Variants in ATOSA observed in about 807,000 individuals in gnomAD.
The protein encoded by ATOSA is atos homolog protein A.
chr15:52,623,567 G>T, the ATOSA span, among the ~76,000 whole-genome samples: 1 of 152,012 alleles, frequency 6.6e-6, no homozygotes, highest in Non-Finnish European at 1.5e-5. Flanking sequence ...TGGATTACAG[G>T]CTGGTATAAT....
At chr15:52,616,399 T>C in the ATOSA span, among the ~76,000 whole-genome samples, 3 of 152,216 alleles carry the variant, frequency 2.0e-5, no homozygotes, top group Admixed American at 1.3e-4. Context: ...ATTTTAACAG[T>C]GGCCATTGCC....
chr15:52,624,443 C>A, the ATOSA span, among the ~76,000 whole-genome samples: 4 of 152,232 alleles, frequency 2.6e-5, no homozygotes, highest in African/African-American at 9.6e-5. Flanking sequence ...GTGTACCAAC[C>A]AAAGGTCATG....
chr15:52,704,583 G>C, the ATOSA span, among the ~76,000 whole-genome samples: 1 of 152,124 alleles, frequency 6.6e-6, no homozygotes, highest in African/African-American at 2.4e-5. Context: ...TACAGAATGA[G>C]AGAAAATTTT....
chr15:52,608,637 G>A, the ATOSA span: 3 of 1,610,454 alleles, frequency 1.9e-6, no homozygotes, highest in South Asian at 3.3e-5. Flanking sequence ...TCTGAGAATA[G>A]TTTTGGGATT....
chr15:52,684,095 C>G, the ATOSA span, among the ~76,000 whole-genome samples: 1 of 152,204 alleles, frequency 6.6e-6, no homozygotes, highest in African/African-American at 2.4e-5. Flanking sequence ...CACAAAGATT[C>G]AAGTGATTAT....
the ATOSA span, among the ~76,000 whole-genome samples, chr15:52,627,605 C>G: frequency 6.6e-6 from 1 of 151,946 alleles, no homozygotes; most frequent in Admixed American, 6.6e-5. Flanking sequence ...GACAGGAAAA[C>G]TCAGATTATC....
chr15:52,612,515 T>C, the ATOSA span, among the ~76,000 whole-genome samples: 2 of 150,618 alleles, frequency 1.3e-5, no homozygotes, highest in Non-Finnish European at 3.0e-5. Flanking sequence ...TTTTTTTTTT[T>C]TTTTTTGAGA....
At chr15:52,676,907 T>C in the ATOSA span, among the ~76,000 whole-genome samples, 1 of 152,212 alleles carries the variant, frequency 6.6e-6, no homozygotes, top group Non-Finnish European at 1.5e-5. Flanking sequence ...AAACTTGGCA[T>C]TCTACACAAG....
At chr15:52,648,362 T>C in the ATOSA span, among the ~76,000 whole-genome samples, 1 of 152,120 alleles carries the variant, frequency 6.6e-6, no homozygotes, top group Non-Finnish European at 1.5e-5. Context: ...GTTGTATGTA[T>C]TTTTGGGGGT....
the ATOSA span, among the ~76,000 whole-genome samples, chr15:52,700,314 C>G: frequency 0.033 from 5,041 of 152,288 alleles, 107 homozygotes; most frequent in Middle Eastern, 0.058. Context: ...TTGCCTACCC[C>G]TCTCTAGGTT....
the ATOSA span, chr15:52,679,443 C>G: frequency 6.6e-6 from 1 of 152,618 alleles, no homozygotes; most frequent in African/African-American, 2.4e-5. Context: ...CACTTCCTCC[C>G]CGGCGGCCTC....
chr15:52,603,391 AG>A, the ATOSA span, among the ~76,000 whole-genome samples: 1 of 152,232 alleles, frequency 6.6e-6, no homozygotes, highest in African/African-American at 2.4e-5. Context: ...AATGTAAATT[AG>A]TACAGCTACT....
the ATOSA span, among the ~76,000 whole-genome samples, chr15:52,628,662 GTTAT>G: frequency 6.6e-6 from 1 of 152,008 alleles, no homozygotes; most frequent in African/African-American, 2.4e-5. Context: ...TATTTTTAAT[GTTAT>G]TTAAACTCCT....
At chr15:52,679,635 G>T in the ATOSA span, among the ~76,000 whole-genome samples, 1 of 152,216 alleles carries the variant, frequency 6.6e-6, no homozygotes, top group Non-Finnish European at 1.5e-5. Context: ...GCTCCCAGCC[G>T]GCAGAGGCGC....
chr15:52,647,469 T>G, the ATOSA span, among the ~76,000 whole-genome samples: 2 of 152,342 alleles, frequency 1.3e-5, no homozygotes, highest in East Asian at 3.9e-4. Context: ...AGTCTTAAAT[T>G]TTAATATTTC....
chr15:52,671,799 G>A, the ATOSA span, among the ~76,000 whole-genome samples: 1 of 151,434 alleles, frequency 6.6e-6, no homozygotes, highest in Non-Finnish European at 1.5e-5. Context: ...GGGGAGAAAG[G>A]CTTTTTAGGC....
chr15:52,694,631 C>T, the ATOSA span, among the ~76,000 whole-genome samples: 19 of 151,248 alleles, frequency 1.3e-4, no homozygotes. Flanking sequence ...CCCAGGAGTC[C>T]GAATATAGCA....
At chr15:52,696,710 C>T in the ATOSA span, among the ~76,000 whole-genome samples, 1 of 151,978 alleles carries the variant, frequency 6.6e-6, no homozygotes, top group Non-Finnish European at 1.5e-5. Context: ...TATGCATTAC[C>T]ACTTTGAAAT....
At chr15:52,685,918 G>C in the ATOSA span, among the ~76,000 whole-genome samples, 132 of 152,224 alleles carry the variant, frequency 8.7e-4, no homozygotes, top group African/African-American at 3.1e-3. Flanking sequence ...GGGCAGAGGA[G>C]TTCTCGCTAT....
Sources: allele counts gnomAD v4.1 joint callset (sites outside exome capture counted in the v4.1 genomes callset), GRCh38; gene constraint gnomAD v4.1.1; transcripts MANE v1.5; gene names NCBI Gene and HGNC (gene_info 2026-07-23, HGNC 2026-07-21).